SCARA5: variants seen among roughly 807,000 people sequenced by gnomAD.
SCARA5 encodes scavenger receptor class A member 5, also known as scavenger receptor class A, member 5 (putative).
In SCARA5, 45 loss-of-function variants were observed where a neutral mutation model predicts 46.3. The ratio of observed to expected loss-of-function variants is 0.97; its 90% CI spans 0.76 to 1.24. SCARA5 has a LOEUF of 1.24. Among genes scored for constraint, SCARA5 ranks in the 50% most tolerant of loss-of-function variants. The pLI, the probability that SCARA5 is intolerant of heterozygous loss-of-function variation, is 0.00. For missense variants in SCARA5, 680 were observed against 689.0 expected, an observed-to-expected ratio of 0.99 and a Z score of 0.15; for synonymous variants, 333 against 306.5, an observed-to-expected ratio of 1.09 and a Z score of -0.90.
intron 2 of SCARA5, among the ~76,000 whole-genome samples, chr8:27,980,711 C>A (rs1808601568): frequency 6.6e-6 from 1 of 152,194 alleles, no homozygotes; most frequent in Non-Finnish European, 1.5e-5. Context: ...CCCCTGGGAG[C>A]AAAGTGCCTC....
rs1808440828 is a variant in SCARA5 at position 27,971,057 on chromosome 8, C to T, written c.113-4515G>A. On this transcript the variant is annotated intron_variant, in intron 2 of 8. Coordinates refer to ENST00000354914, the MANE Select transcript of SCARA5 (RefSeq NM_173833.6). ...TGGGAAGGAGAGACTTTGTTAGCGT[C>T]ATTCACTTCCAACTGCCCATCTCCC... Among the ~76,000 whole-genome samples, 3 of 152,236 alleles carry T rather than the reference C, an allele frequency of 2.0e-5. No individual in the cohort carries two copies. The South Asian group carries it at 6.2e-4, about 31-fold the overall frequency.
intron 2 of SCARA5, among the ~76,000 whole-genome samples, chr8:27,977,100 C>T (rs1184535431): frequency 6.6e-6 from 1 of 152,192 alleles, no homozygotes; most frequent in Non-Finnish European, 1.5e-5. Context: ...CCCCACTCCT[C>T]ACGGTATACT....
chr8:27,896,787 C>T (rs968996533), intron 7 of SCARA5, among the ~76,000 whole-genome samples: 7 of 152,110 alleles, frequency 4.6e-5, no homozygotes, highest in Admixed American at 1.3e-4. Context: ...ATTCAACAAA[C>T]GGCTCCCTAA....
intron 4 of SCARA5, among the ~76,000 whole-genome samples, chr8:27,919,870 A>T (rs2727007): frequency 0.63 from 93,179 of 147,744 alleles, 29,723 homozygotes; most frequent in Middle Eastern, 0.76. Context: ...ATGAGATACA[A>T]CTGGCACAGT....
intron 7 of SCARA5, among the ~76,000 whole-genome samples, chr8:27,895,473 A>G (rs773869044): frequency 4.6e-5 from 7 of 152,192 alleles, no homozygotes; most frequent in Non-Finnish European, 1.0e-4. Flanking sequence ...GTAAAATGCT[A>G]TTTCCTAATG....
intron 2 of SCARA5, among the ~76,000 whole-genome samples, chr8:27,976,943 G>C (rs528042560): frequency 1.3e-5 from 2 of 152,290 alleles, no homozygotes; most frequent in South Asian, 2.1e-4. Flanking sequence ...CTCAGTCCTG[G>C]CTTAGCCAGC....
chr8:27,960,044 AC>A (rs1417369297), intron 3 of SCARA5, among the ~76,000 whole-genome samples: 3 of 152,228 alleles, frequency 2.0e-5, no homozygotes, highest in African/African-American at 7.2e-5. Flanking sequence ...CACGTACTGC[AC>A]TGAGCCTAGT....
chr8:27,895,168 G>A (rs567220734), intron 7 of SCARA5, among the ~76,000 whole-genome samples: 82 of 152,304 alleles, frequency 5.4e-4, no homozygotes, highest in African/African-American at 1.9e-3. Flanking sequence ...AACACATGGG[G>A]CTGGGAATAT....
rs10660825 is a variant in SCARA5, at chr8:27,933,521, T to TAAAAAAAAAA, written c.242-11286_242-11277dup. On this transcript the variant is annotated intron_variant, in intron 3 of 8. Transcript: ENST00000354914. ...TGGGTGACAGAGTGAGACTCCATCTTAAAAAAAAAAAAAAAAGAGACAACA... is the reference window on the plus strand; with the variant it reads ...TGGGTGACAGAGTGAGACTCCATCTTAAAAAAAAAAAAAAAAAAAAAAAAAAGAGACAACA... 1.5e-5 allele frequency among the ~76,000 whole-genome samples: 2 copies of TAAAAAAAAAA among 130,956 alleles called. 1 individual carries two copies. The highest frequency in any genetic ancestry group is 3.1e-5 in the Non-Finnish European group (2 of 63,730). 85.9% of individuals were successfully genotyped at this position (130,956 alleles called of 152,430 possible). A position where few individuals can be genotyped will look rare whatever the true frequency, so the allele number is the denominator to read the frequency against.
intron 2 of SCARA5, among the ~76,000 whole-genome samples, chr8:27,974,352 A>T (rs574903197): frequency 4.6e-5 from 7 of 152,156 alleles, no homozygotes; most frequent in Non-Finnish European, 2.9e-5. Context: ...AGCATTTTGG[A>T]GTTATCCAAA....
intron 8 of SCARA5, among the ~76,000 whole-genome samples, chr8:27,879,101 A>G (rs1224968633): frequency 2.0e-5 from 3 of 152,174 alleles, no homozygotes; most frequent in Admixed American, 6.5e-5. Flanking sequence ...GAAAAAAGAA[A>G]AACAGCGATG....
At chr8:27,923,535 T>G (rs1043462060) in intron 3 of SCARA5, among the ~76,000 whole-genome samples, 1 of 152,194 alleles carries the variant, frequency 6.6e-6, no homozygotes, top group Non-Finnish European at 1.5e-5. Context: ...CATCTTCTAC[T>G]TCTTTGTGTT....
intron 2 of SCARA5, among the ~76,000 whole-genome samples, chr8:27,976,910 C>T (rs1808533551): frequency 6.6e-6 from 1 of 152,226 alleles, no homozygotes. Flanking sequence ...GCCCTGAGGC[C>T]ACCCAGCAGG....
chr8:27,977,186 AC>A (rs1377661314), intron 2 of SCARA5, among the ~76,000 whole-genome samples: 1 of 151,800 alleles, frequency 6.6e-6, no homozygotes, highest in Non-Finnish European at 1.5e-5. Context: ...CGTGGGCTCC[AC>A]CCCCATGACC....
At chr8:27,927,072 G>T (rs1807691634) in intron 3 of SCARA5, among the ~76,000 whole-genome samples, 2 of 152,278 alleles carry the variant, frequency 1.3e-5, no homozygotes, top group African/African-American at 4.8e-5. Context: ...CCGATTCAAG[G>T]ACACATCTGC....
intron 8 of SCARA5, among the ~76,000 whole-genome samples, chr8:27,873,512 G>T (rs1200621997): frequency 6.6e-6 from 1 of 151,918 alleles, no homozygotes; most frequent in Non-Finnish European, 1.5e-5. Context: ...CCTTCTCCTG[G>T]CTCAAAAGCT....
At chr8:27,967,931 A>T (rs1467697403) in intron 2 of SCARA5, among the ~76,000 whole-genome samples, 2 of 152,092 alleles carry the variant, frequency 1.3e-5, no homozygotes, top group Non-Finnish European at 2.9e-5. Context: ...AGGAAAAAGG[A>T]AAGGAGAGGA....
intron 7 of SCARA5, among the ~76,000 whole-genome samples, chr8:27,893,270 T>C (rs1807015250): frequency 6.6e-6 from 1 of 152,160 alleles, no homozygotes; most frequent in Non-Finnish European, 1.5e-5. Flanking sequence ...GCTCCTGCTG[T>C]CAGCAACTTT....
intron 3 of SCARA5, among the ~76,000 whole-genome samples, chr8:27,953,974 G>A (rs1173502181): frequency 1.3e-5 from 2 of 152,208 alleles, no homozygotes; most frequent in Non-Finnish European, 2.9e-5. Context: ...ATTCCTGGGG[G>A]ATTGGAGCCT....
Sources: gnomAD v4.1 joint callset for allele counts (sites outside exome capture counted in the v4.1 genomes callset) on GRCh38, gnomAD v4.1.1 for gene constraint, MANE v1.5 for transcripts, NCBI Gene and HGNC (gene_info 2026-07-23, HGNC 2026-07-21) for gene names.